TMCO6: variants seen among roughly 807,000 people sequenced by gnomAD.
TMCO6 encodes transmembrane and coiled-coil domains 6, also known as transmembrane and coiled-coil domain-containing protein 6.
In TMCO6, 47 loss-of-function variants were observed where a neutral mutation model predicts 61.8. The observed-to-expected ratio is 0.76, with a 90% CI of 0.60 to 0.97. The LOEUF (loss-of-function observed/expected upper bound fraction) is 0.97, where lower values mean the gene tolerates loss of function less well. Among genes scored for constraint, TMCO6 ranks in the 50% least tolerant of loss-of-function variants. TMCO6 has a pLI of 0.00. For synonymous variants in TMCO6, 261 were observed against 254.2 expected, an observed-to-expected ratio of 1.03 and a Z score of -0.25; for missense variants, 557 against 601.6, an observed-to-expected ratio of 0.93 and a Z score of 0.78.
chr5:140,603,452 T>C, the TMCO6 span, among the ~76,000 whole-genome samples: 1 of 151,978 alleles, frequency 6.6e-6, no homozygotes, highest in South Asian at 2.1e-4. Flanking sequence ...AGATTACAGG[T>C]GCTCGTCACC....
chr5:140,631,888 C>T, the TMCO6 span: 3 of 1,586,180 alleles, frequency 1.9e-6, no homozygotes, highest in Non-Finnish European at 2.6e-6. Context: ...TGGAGCAGCA[C>T]CAGGGTTCCC....
In TMCO6 at chr5:140,643,665, G is replaced by C. The variant is rs1406656454; in HGVS notation, c.908G>C (p.Gly303Ala). 6.2e-7 allele frequency: 1 copy of C among 1,612,100 alleles called. No homozygotes were observed. Among genetic ancestry groups the C allele is most frequent in the South Asian group, 1.1e-5 (1 of 90,924 alleles). ...GCTGTCCAGAAAACCGAGGATGCAGGACTGGAGCTGGTAGGTGAAGATGTC... is the reference window on the plus strand; with the variant it reads ...GCTGTCCAGAAAACCGAGGATGCAGCACTGGAGCTGGTAGGTGAAGATGTC... ...AGAVQKTEDA[G>A]LELLACPVLR... is the part of the protein sequence containing the mutation. The change falls in exon 8 of 12, where the codon GGA becomes GCA. Residue 303 changes from glycine (G) to alanine (A), a missense_variant. Transcript: ENST00000394671.
chr5:140,614,055 T>C, the TMCO6 span, among the ~76,000 whole-genome samples: 1 of 152,074 alleles, frequency 6.6e-6, no homozygotes, highest in Middle Eastern at 3.4e-3. Context: ...CCCGTCACCA[T>C]GCCCAGCTAA....
At chr5:140,613,544 A>G in the TMCO6 span, among the ~76,000 whole-genome samples, 2 of 151,942 alleles carry the variant, frequency 1.3e-5, no homozygotes, top group Admixed American at 6.6e-5. Context: ...CTACAAATTG[A>G]CTGTTTCGGT....
intron 6 of TMCO6, 34 bp downstream of exon 6, chr5:140,642,705 GGTGACCCACTCAGTA>G (rs759187139): frequency 1.2e-6 from 2 of 1,609,774 alleles, no homozygotes. Context: ...TGCAGCCAGA[GGTGACCCACTCAGTA>G]GTATAGCTCC....
At chr5:140,620,998 G>C in the TMCO6 span, among the ~76,000 whole-genome samples, 3 of 151,926 alleles carry the variant, frequency 2.0e-5, no homozygotes, top group African/African-American at 7.3e-5. Flanking sequence ...GGGGGACAGA[G>C]TGAGAACCCA....
chr5:140,620,709 G>T, the TMCO6 span, among the ~76,000 whole-genome samples: 3 of 152,124 alleles, frequency 2.0e-5, no homozygotes, highest in African/African-American at 7.2e-5. Flanking sequence ...AAGTCTTAAT[G>T]GGTGTATGTG....
chr5:140,641,001 T>C (rs2149791592), intron 2 of TMCO6: 1 of 154,588 alleles, frequency 6.5e-6, no homozygotes, highest in South Asian at 2.0e-4. Flanking sequence ...TTCCATTGTA[T>C]GCTTACTTTA....
At chr5:140,603,281 T>C in the TMCO6 span, among the ~76,000 whole-genome samples, 1 of 152,176 alleles carries the variant, frequency 6.6e-6, no homozygotes, top group Non-Finnish European at 1.5e-5. Context: ...TTTCAGTGTT[T>C]GGCTTATTTT....
downstream of TMCO6, among the ~76,000 whole-genome samples, chr5:140,646,086 C>T (rs191859403): frequency 6.6e-6 from 1 of 150,598 alleles, no homozygotes; most frequent in Admixed American, 6.6e-5. Context: ...TCTCCACTCA[C>T]TGCAACCTCC....
upstream of TMCO6, among the ~76,000 whole-genome samples, chr5:140,637,986 TCTTTCTTTCTTCCTTC>T (rs1219453668): frequency 5.3e-5 from 8 of 151,510 alleles, no homozygotes; most frequent in African/African-American, 2.0e-4. Context: ...TTTCTTTCTT[TCTTTCTTTCTTCCTTC>T]CTTTCTTTCT....
the TMCO6 span, among the ~76,000 whole-genome samples, chr5:140,623,944 C>T: frequency 4.0e-4 from 61 of 152,278 alleles, no homozygotes; most frequent in East Asian, 6.0e-3. Flanking sequence ...TCAAAAAATG[C>T]GCATAATTTG....
the TMCO6 span, among the ~76,000 whole-genome samples, chr5:140,622,696 G>C: frequency 2.7e-5 from 4 of 147,528 alleles, no homozygotes; most frequent in Admixed American, 6.9e-5. Flanking sequence ...CACCAGCTGG[G>C]TTCTCCTTAC....
the TMCO6 span, among the ~76,000 whole-genome samples, chr5:140,621,752 G>A: frequency 6.6e-6 from 1 of 152,154 alleles, no homozygotes; most frequent in Non-Finnish European, 1.5e-5. Flanking sequence ...ACATCCCTGA[G>A]AAAGAGAATG....
the TMCO6 span, among the ~76,000 whole-genome samples, chr5:140,629,515 A>G: frequency 6.6e-6 from 1 of 152,240 alleles, no homozygotes; most frequent in Non-Finnish European, 1.5e-5. Flanking sequence ...TAAAGTGTAT[A>G]TGAAACATAA....
At chr5:140,610,186 T>TAA in the TMCO6 span, among the ~76,000 whole-genome samples, 34 of 70,688 alleles carry the variant, frequency 4.8e-4, no homozygotes, top group East Asian at 1.4e-3. Flanking sequence ...CCATTTCTAC[T>TAA]AAAAAAAAAA....
the TMCO6 span, chr5:140,609,333 C>T: frequency 4.0e-6 from 1 of 249,032 alleles, no homozygotes; most frequent in Non-Finnish European, 8.5e-6. Flanking sequence ...CACATCTGTG[C>T]CAACAGGAAG....
chr5:140,596,678 C>G, the TMCO6 span, among the ~76,000 whole-genome samples: 4 of 152,168 alleles, frequency 2.6e-5, no homozygotes, highest in African/African-American at 9.7e-5. Flanking sequence ...TCCAGTCCCC[C>G]CTAGAAACAG....
chr5:140,597,160 A>G, the TMCO6 span, among the ~76,000 whole-genome samples: 2 of 152,234 alleles, frequency 1.3e-5, no homozygotes, highest in Non-Finnish European at 2.9e-5. Context: ...TAGCATTTAT[A>G]TAACAGATAC....
Sources: allele counts gnomAD v4.1 joint callset (sites outside exome capture counted in the v4.1 genomes callset), GRCh38; gene constraint gnomAD v4.1.1; transcripts MANE v1.5; gene names NCBI Gene and HGNC (gene_info 2026-07-23, HGNC 2026-07-21).